Variants in OSER1 observed in about 807,000 individuals in gnomAD.
The protein encoded by OSER1 is oxidative stress-responsive serine-rich protein 1.
A neutral mutation model predicts 26.3 loss-of-function variants in OSER1; 15 were observed. The observed-to-expected ratio is 0.57, with a 90% confidence interval of 0.38 to 0.88. The LOEUF (loss-of-function observed/expected upper bound fraction) is 0.88, where lower values mean the gene tolerates loss of function less well. OSER1 is among the 40% of genes least tolerant of loss of function. OSER1 has a pLI of 0.00. For synonymous variants in OSER1, 127 were observed against 128.2 expected (o/e 0.99, Z 0.07); for missense variants, 313 against 353.9 (o/e 0.88, Z 0.93).
At chr20:44,202,880 C>A in intron 3 of OSER1, 81 bp downstream of exon 3, 1 of 759,186 alleles carries the variant, frequency 1.3e-6, no homozygotes, top group Non-Finnish European at 2.3e-6. Context: ...CATAACCTAA[C>A]TCTTTTCTGG....
chr20:44,197,436 G>A lies in OSER1; in HGVS notation c.495C>T (p.Asp165=), dbSNP rs746296911. Residue 165 remains aspartate (D), a synonymous_variant, in exon 4 of 4, where the codon GAC becomes GAT. Transcript: ENST00000255174. ...PRLPSESKKE[D]SSDATQVPQA... is the part of the protein sequence containing the mutation. ...GGGGGACTTGGGTAGCGTCAGAGGA[G>A]TCTTCCTTCTTACTCTCTGATGGGA... 4 of 1,614,024 alleles carry A rather than the reference G, an allele frequency of 2.5e-6. No homozygotes were observed. Among genetic ancestry groups the A allele is most frequent in the Non-Finnish European group, 1.7e-6 (2 of 1,179,976 alleles).
chr20:44,201,552 A>G (rs6031450), intron 3 of OSER1, among the ~76,000 whole-genome samples: 58 of 152,086 alleles, frequency 3.8e-4, no homozygotes, highest in East Asian at 1.9e-4. Context: ...AGGAAAGAAG[A>G]TATAAGCAAA....
chr20:44,197,806 G>A, intron 3 of OSER1, 67 bp from the exon 4 acceptor site: 1 of 1,069,124 alleles, frequency 9.4e-7, no homozygotes, highest in Non-Finnish European at 1.4e-6. Context: ...GATTCTTTAT[G>A]ACAGTAGGAA....
chr20:44,197,728 T>C lies in OSER1; in HGVS notation c.203A>G (p.Lys68Arg), dbSNP rs147662241. 2 of 1,609,854 alleles carry C rather than the reference T, an allele frequency of 1.2e-6. No homozygotes were observed. Among genetic ancestry groups the C allele is most frequent in the African/African-American group, 1.3e-5 (1 of 74,682 alleles). ...SKDSWHGSTRKSSRGAVRTQR... is the reference protein window; with the variant it reads ...SKDSWHGSTRRSSRGAVRTQR... ...AGTTCTCACTGCTCCTCGTGAAGACTTCCTTGTAGACCTAAAGAGGAAAAA... is the reference window on the plus strand; with the variant it reads ...AGTTCTCACTGCTCCTCGTGAAGACCTCCTTGTAGACCTAAAGAGGAAAAA... Residue 68 changes from lysine to arginine, a missense_variant, in exon 4 of 4, where the codon AAG (lysine) becomes AGG (arginine). Physicochemically the swap from Lys to Arg is conservative, Grantham distance 26 (BLOSUM62 2). Around this residue, in one of 2 missense-constraint regions of OSER1, gnomAD observed 300 missense variants for 318.3 expected, o/e 0.94. Coordinates refer to ENST00000255174, the MANE Select transcript of OSER1 (RefSeq NM_016470.8).
At chr20:44,197,832 G>A in intron 3 of OSER1, 93 bp from the exon 4 acceptor site, 1 of 754,898 alleles carries the variant, frequency 1.3e-6, no homozygotes, top group Admixed American at 2.6e-5. Context: ...CCTTCCCTCA[G>A]CTTTATGAGT....
chr20:44,201,845 A>C (rs1039853701), intron 3 of OSER1, among the ~76,000 whole-genome samples: 24 of 152,354 alleles, frequency 1.6e-4, no homozygotes, highest in African/African-American at 5.8e-4. Context: ...AATTGTGTTT[A>C]AACAATTGGA....
In OSER1 at chr20:44,206,616, G is replaced by C. The variant is rs370743342; in HGVS notation, c.77+265C>G. Among the ~76,000 whole-genome samples, 101 of 152,308 alleles carry C rather than the reference G, an allele frequency of 6.6e-4. 2 individuals carry two copies. The highest frequency in any genetic ancestry group is 2.1e-3 in the African/African-American group (89 of 41,572). On this transcript the variant is annotated intron_variant, in intron 2 of 3. Coordinates refer to ENST00000255174, the MANE Select transcript of OSER1 (RefSeq NM_016470.8). ...ATAATCTTTGATTAAAAAGAAGTGG[G>C]GGGGAAGCCCTCCTCAAAGTGAACG...
rs2232288 is a variant in OSER1, at chr20:44,197,499, C to T, written c.432G>A (p.Gly144=). ...AAGTTCTCAAAGGCTCAACGACTGC[C>T]CCTGTGTGATTAGCATCGAGAGAAG... The part of the protein sequence containing the change: ...SSTSLDANHT[G]AVVEPLRTSV... Residue 144 remains glycine, a synonymous_variant, in exon 4 of 4, where the codon GGG becomes GGA. Coordinates refer to ENST00000255174, the MANE Select transcript of OSER1 (RefSeq NM_016470.8). The T allele has an allele frequency of 1.1e-4, 184 of 1,614,100 alleles. No homozygotes were observed. In the African/African-American group the frequency reaches 1.4e-3, roughly 13 times the overall value.
rs1041368240 is a variant in OSER1, at chr20:44,207,012, T to C, written c.-41-14A>G. The stretch of plus-strand genomic sequence containing the variant: ...TTCCTGTTTACACTAAAAAAGAAAA[T>C]AAAGTGAGCAAAGTAAAAACAGGTG... On this transcript the variant is annotated splice_polypyrimidine_tract_variant and intron_variant, in intron 1 of 3. Transcript: ENST00000255174. 1.2e-4 allele frequency: 158 copies of C among 1,309,918 alleles called. No homozygotes were observed. Among genetic ancestry groups the C allele is most frequent in the Middle Eastern group, 7.3e-4 (4 of 5,460 alleles). The allele number at this position is 1,309,918 out of a possible 1,614,324, so 81.1% of individuals were successfully genotyped here.
upstream of OSER1, chr20:44,211,047 TG>T (rs2145949549): frequency 6.6e-6 from 1 of 152,566 alleles, no homozygotes; most frequent in Admixed American, 6.5e-5. Flanking sequence ...GACCCGCTTT[TG>T]GGGCGTGCCT....
In OSER1 at chr20:44,210,732, G is replaced by C. The variant is rs531320725; in HGVS notation, c.-78C>G. On this transcript the variant is annotated 5_prime_UTR_variant, in exon 1 of 4. Transcript: ENST00000255174. The stretch of plus-strand genomic sequence containing the variant: ...TGGGACGCTCCGGTGATGCGGGGCA[G>C]TCAGTTCAGAGCGTCTCTCCCAAAT... 1 of 152,484 alleles carries C rather than the reference G, an allele frequency of 6.6e-6. No individual in the cohort carries two copies. The highest frequency in any genetic ancestry group is 2.4e-5 in the African/African-American group (1 of 41,596). The allele number at this position is 152,484 out of a possible 1,614,324, so 9.4% of individuals were successfully genotyped here.
chr20:44,206,112 GAATT>G (rs1210373836), intron 2 of OSER1, among the ~76,000 whole-genome samples: 1 of 152,116 alleles, frequency 6.6e-6, no homozygotes, highest in Admixed American at 6.6e-5. Context: ...GGTGTAGTGA[GAATT>G]AAATAATGCG....
chr20:44,206,759 T>G (rs1255110160), intron 2 of OSER1, 122 bp downstream of exon 2: 1 of 568,154 alleles, frequency 1.8e-6, no homozygotes, highest in Non-Finnish European at 3.1e-6. Flanking sequence ...GTCGCACTAT[T>G]AGCATTTATA....
intron 3 of OSER1, among the ~76,000 whole-genome samples, chr20:44,199,911 C>T (rs2072963579): frequency 6.6e-6 from 1 of 152,214 alleles, no homozygotes. Flanking sequence ...GAAAGAATGA[C>T]TGACGGGAAA....
At position 44,200,354 on chromosome 20, in the gene OSER1, C is replaced by T. The variant is rs566187536; in HGVS notation, c.191+2607G>A. Among the ~76,000 whole-genome samples, 8 of 152,300 alleles carry T rather than the reference C, an allele frequency of 5.3e-5. No individual in the cohort carries two copies. In the East Asian group the frequency reaches 7.7e-4, roughly 15 times the overall value. ...CTTTCAGGCTAGTCACTCTATCCTG[C>T]GACTGTCTCAGCAACTGAAGACAGA... On this transcript the variant is annotated intron_variant, in intron 3 of 3. Transcript: ENST00000255174.
chr20:44,206,967 T>G lies in OSER1; in HGVS notation c.-10A>C. The G allele has an allele frequency of 6.3e-7, 1 of 1,597,444 alleles. No individual in the cohort carries two copies. The highest frequency in any genetic ancestry group is 8.6e-7 in the Non-Finnish European group (1 of 1,165,492). ...TGGCTTCGGATTTCATTGTGCAAGT[T>G]TTTACACTACTTATCGATGTTCCTG... On this transcript the variant is annotated 5_prime_UTR_variant, in exon 2 of 4. Transcript: ENST00000255174.
intron 3 of OSER1, among the ~76,000 whole-genome samples, chr20:44,198,402 G>A (rs2072945000): frequency 6.6e-6 from 1 of 152,064 alleles, no homozygotes. Context: ...GGTGGATCAC[G>A]AGGTCAGGAG....
At chr20:44,204,885 C>T (rs529752808) in intron 2 of OSER1, among the ~76,000 whole-genome samples, 5 of 151,840 alleles carry the variant, frequency 3.3e-5, no homozygotes, top group Non-Finnish European at 7.4e-5. Context: ...TTGCGCAGGC[C>T]GGAGTGCAGT....
At position 44,204,446 on chromosome 20, in the gene OSER1, A is replaced by G. The variant is rs368832123; in HGVS notation, c.78-1372T>C. Among the ~76,000 whole-genome samples the G allele has an allele frequency of 5.9e-5, 9 of 152,318 alleles. No individual in the cohort carries two copies. The South Asian group carries it at 1.0e-3, about 18-fold the overall frequency. ...TCTCAAATATTCTCCTTCCCTTCTTATAATTTTACTCAAGGCAGAATATAT... is the reference window on the plus strand; with the variant it reads ...TCTCAAATATTCTCCTTCCCTTCTTGTAATTTTACTCAAGGCAGAATATAT... On this transcript the variant is annotated intron_variant, in intron 2 of 3. Coordinates refer to ENST00000255174, the MANE Select transcript of OSER1 (RefSeq NM_016470.8).
Sources: allele counts gnomAD v4.1 joint callset (sites outside exome capture counted in the v4.1 genomes callset), GRCh38; gene constraint gnomAD v4.1.1; regional missense constraint gnomAD v4.1.1; transcripts MANE v1.5; gene names NCBI Gene and HGNC (gene_info 2026-07-23, HGNC 2026-07-21).